SMYD3: variants seen among roughly 807,000 people sequenced by gnomAD.
SMYD3 encodes histone-lysine N-methyltransferase SMYD3.
In SMYD3, 36 loss-of-function variants were observed where a neutral mutation model predicts 57.7. The observed-to-expected ratio is 0.62, with a 90% CI of 0.48 to 0.82. The LOEUF is 0.82. SMYD3 is among the 40% of genes least tolerant of loss of function. The pLI, the probability that SMYD3 is intolerant of heterozygous loss-of-function variation, is 0.00. For missense variants in SMYD3, 515 were observed against 538.8 expected (o/e 0.96, Z 0.44); for synonymous variants, 211 against 195.0 (o/e 1.08, Z -0.68).
chr1:246,441,417 A>C (rs2067460570), intron 1 of SMYD3, among the ~76,000 whole-genome samples: 1 of 152,280 alleles, frequency 6.6e-6, no homozygotes, highest in South Asian at 2.1e-4. Flanking sequence ...CATTCACTAT[A>C]TTGAGGAGGC....
chr1:246,377,369 CTTTT>C (rs531494337), intron 1 of SMYD3, among the ~76,000 whole-genome samples: 6 of 134,214 alleles, frequency 4.5e-5, no homozygotes, highest in Non-Finnish European at 4.8e-5. Context: ...GCAAATAATT[CTTTT>C]TTTTTTTTTT....
chr1:246,436,354 T>A (rs909141864), intron 1 of SMYD3, among the ~76,000 whole-genome samples: 2 of 152,234 alleles, frequency 1.3e-5, no homozygotes, highest in African/African-American at 4.8e-5. Flanking sequence ...TTTGTTCTTA[T>A]AGACTATCTC....
intron 5 of SMYD3, among the ~76,000 whole-genome samples, chr1:245,947,864 CAT>C (rs1257164246): frequency 6.6e-6 from 1 of 152,142 alleles, no homozygotes; most frequent in Non-Finnish European, 1.5e-5. Context: ...AGTATCACTA[CAT>C]ATACCTCTAG....
intron 1 of SMYD3, among the ~76,000 whole-genome samples, chr1:246,387,403 C>T (rs2066502780): frequency 6.6e-6 from 1 of 152,216 alleles, no homozygotes; most frequent in African/African-American, 2.4e-5. Flanking sequence ...AGTTGGCCCT[C>T]AACGGCATTT....
intron 8 of SMYD3, among the ~76,000 whole-genome samples, chr1:245,902,354 A>C (rs2054246783): frequency 6.6e-6 from 1 of 152,152 alleles, no homozygotes; most frequent in African/African-American, 2.4e-5. Context: ...TCCAAGGACA[A>C]GGCCACCACA....
At chr1:246,062,752 C>T (rs530093964) in intron 5 of SMYD3, among the ~76,000 whole-genome samples, 43 of 152,236 alleles carry the variant, frequency 2.8e-4, no homozygotes, top group Non-Finnish European at 5.0e-4. Flanking sequence ...ACTTAAAATG[C>T]CTAACCAGTT....
chr1:246,044,237 G>C lies in SMYD3; in HGVS notation c.532-114300C>G, dbSNP rs2059925573. ...AAAAAAAATTCATTACCTCAATTTA[G>C]TTCTCAGTGCAAATTATAATGATTC... On this transcript the variant is annotated intron_variant, in intron 5 of 11. Transcript: ENST00000490107. 2.0e-5 allele frequency among the ~76,000 whole-genome samples: 3 copies of C among 152,060 alleles called. No individual in the cohort carries two copies. In the South Asian group the frequency reaches 6.2e-4, roughly 31 times the overall value.
chr1:246,195,359 T>C (rs1306154568), intron 5 of SMYD3, among the ~76,000 whole-genome samples: 1 of 152,184 alleles, frequency 6.6e-6, no homozygotes, highest in Non-Finnish European at 1.5e-5. Flanking sequence ...TCAATTTTGG[T>C]TAGATTTCCT....
chr1:245,768,255 T>C (rs2153399), intron 10 of SMYD3, among the ~76,000 whole-genome samples: 25,729 of 152,116 alleles, frequency 0.17, 2,386 homozygotes, highest in East Asian at 0.33. Flanking sequence ...GGTGAATAAG[T>C]GCATAAGAAG....
chr1:245,897,897 CA>C (rs1309319308), intron 8 of SMYD3, among the ~76,000 whole-genome samples: 3,336 of 131,428 alleles, frequency 0.025, 115 homozygotes, highest in African/African-American at 0.082. Flanking sequence ...AGACTGTCTC[CA>C]AAAAAAAAAA....
At position 246,119,935 on chromosome 1, in the gene SMYD3, A is replaced by C. The variant is rs75742844; in HGVS notation, c.532-189998T>G. ...CAGATTGACAAGAGAAAAGCATATA[A>C]ATTTATTTTAATGTAGGTTTTAAGT... On this transcript the variant is annotated intron_variant, in intron 5 of 11. Coordinates refer to ENST00000490107, the MANE Select transcript of SMYD3 (RefSeq NM_001167740.2). Among the ~76,000 whole-genome samples, 125 of 152,302 alleles carry C rather than the reference A, an allele frequency of 8.2e-4. 1 individual carries two copies. The highest frequency in any genetic ancestry group is 2.9e-3 in the African/African-American group (119 of 41,562).
chr1:246,496,952 T>G (rs1402097198), intron 1 of SMYD3, among the ~76,000 whole-genome samples: 1 of 152,230 alleles, frequency 6.6e-6, no homozygotes, highest in Non-Finnish European at 1.5e-5. Flanking sequence ...AAAGGAAACA[T>G]TCTTGATTGT....
intron 5 of SMYD3, among the ~76,000 whole-genome samples, chr1:245,982,036 C>G (rs2148073171): frequency 6.6e-6 from 1 of 152,302 alleles, no homozygotes; most frequent in Non-Finnish European, 1.5e-5. Flanking sequence ...AACTGTAGCT[C>G]TTTACATAGC....
At chr1:246,101,063 GGTTTTTTGTTTTTTTTTTTTTT>G (rs1288667671) in intron 5 of SMYD3, among the ~76,000 whole-genome samples, 1 of 92,954 alleles carries the variant, frequency 1.1e-5, no homozygotes, top group Non-Finnish European at 2.6e-5. Flanking sequence ...TATTTTTAGG[GGTTTTTTGTTTTTTTTTTTTTT>G]TTTTTTTTTT....
At chr1:245,900,649 G>C (rs1016418213) in intron 8 of SMYD3, among the ~76,000 whole-genome samples, 4 of 152,182 alleles carry the variant, frequency 2.6e-5, no homozygotes, top group Non-Finnish European at 4.4e-5. Flanking sequence ...GTTATTTATA[G>C]CCAAATCCTT....
intron 1 of SMYD3, among the ~76,000 whole-genome samples, chr1:246,488,903 G>C (rs2068228019): frequency 6.6e-6 from 1 of 152,110 alleles, no homozygotes; most frequent in Admixed American, 6.5e-5. Flanking sequence ...CACCCAGGGA[G>C]CTTGGCAAGA....
chr1:246,133,456 C>G (rs987723292), intron 5 of SMYD3, among the ~76,000 whole-genome samples: 2 of 151,994 alleles, frequency 1.3e-5, no homozygotes, highest in Admixed American at 6.6e-5. Context: ...TTCTAAAGAC[C>G]TGAGTGTTGT....
At chr1:245,797,558 G>A (rs1371561731) in intron 10 of SMYD3, among the ~76,000 whole-genome samples, 3 of 151,058 alleles carry the variant, frequency 2.0e-5, no homozygotes, top group Non-Finnish European at 2.9e-5. Flanking sequence ...ATAGCATTAG[G>A]AGATATACCT....
rs370106494 is a variant in SMYD3, at chr1:246,274,709, C to T, written c.531+52492G>A. ...AGACACAGGCCGTCCGAAGGTCAAT[C>T]AAATCCCATGGGAATATGACAAAAA... On this transcript the variant is annotated intron_variant, in intron 5 of 11. Coordinates refer to ENST00000490107, the MANE Select transcript of SMYD3 (RefSeq NM_001167740.2). Among the ~76,000 whole-genome samples, 10 of 152,208 alleles carry T rather than the reference C, an allele frequency of 6.6e-5. No homozygotes were observed. In the East Asian group the frequency reaches 9.7e-4, roughly 15 times the overall value.
Sources: gnomAD v4.1 joint callset for allele counts (sites outside exome capture counted in the v4.1 genomes callset) on GRCh38, gnomAD v4.1.1 for gene constraint, MANE v1.5 for transcripts, NCBI Gene and HGNC (gene_info 2026-07-23, HGNC 2026-07-21) for gene names.